Variants in MYOCD observed in about 807,000 individuals in gnomAD.
MYOCD encodes the protein myocardin.
Under a neutral mutation model 96.1 loss-of-function variants are expected in MYOCD, and 32 were observed. That is an observed-to-expected ratio of 0.33 (90% confidence interval 0.25 to 0.45). The LOEUF is 0.45. Among genes scored for constraint, MYOCD ranks in the 20% least tolerant of loss-of-function variants. The pLI is 1.00. For missense variants in MYOCD, 1,133 were observed against 1,200.6 expected (o/e 0.94, Z 0.83); for synonymous variants, 469 against 469.0 (o/e 1.00, Z 0.00).
At chr17:12,708,612 C>T (rs980599008) in intron 2 of MYOCD, among the ~76,000 whole-genome samples, 3 of 152,058 alleles carry the variant, frequency 2.0e-5, no homozygotes, top group African/African-American at 7.2e-5. Flanking sequence ...AGGATGGTCT[C>T]GAACTCCTGA....
chr17:12,756,277 T>A lies in MYOCD; in HGVS notation c.2059-137T>A. On this transcript the variant is annotated intron_variant, in intron 10 of 13. Coordinates refer to ENST00000425538, the MANE Select transcript of MYOCD (RefSeq NM_001146312.3). ...TCTAAAAAGCCAGATTTTAGGCAAG[T>A]TCATCTGGTAATGGAATTTAGGAAG... The A allele has an allele frequency of 3.0e-6, 3 of 1,016,010 alleles. No homozygotes were observed. In the South Asian group the frequency reaches 4.3e-5, roughly 15 times the overall value. 62.9% of individuals were successfully genotyped at this position (1,016,010 alleles called of 1,614,324 possible).
Position 12,756,522 on chromosome 17 carries a change from A to T in MYOCD, c.2167A>T (p.Asn723Tyr). The change falls in exon 11 of 14, where the codon AAC (asparagine) becomes TAC (tyrosine). Residue 723 changes from asparagine (N) to tyrosine (Y), a missense_variant. Transcript: ENST00000425538. ...AGACAGCAGTCATGGTGCCGGGGGA[A>T]ACCCTTGTCCCAAAAGCCCATGTGT... Reference protein sequence around the residue: ...QADSSHGAGGNPCPKSPCVQQ... With the variant: ...QADSSHGAGGYPCPKSPCVQQ... 6.4e-7 allele frequency: 1 copy of T among 1,551,666 alleles called. No individual in the cohort carries two copies.
chr17:12,698,899 C>T lies in MYOCD; in HGVS notation c.56-6229C>T, dbSNP rs200070191. Among the ~76,000 whole-genome samples the T allele has an allele frequency of 7.4e-4, 112 of 151,202 alleles. 1 individual carries two copies. The South Asian group carries it at 0.013, about 17-fold the overall frequency. ...TTGGGACTACAGACGCCCGCCACCA[C>T]GCCCGGCTAATTTTTTGTATTTTTA... On this transcript the variant is annotated intron_variant, in intron 1 of 13. Coordinates refer to ENST00000425538, the MANE Select transcript of MYOCD (RefSeq NM_001146312.3).
intron 12 of MYOCD, 138 bp downstream of exon 12, chr17:12,758,351 T>C: frequency 8.7e-6 from 11 of 1,263,440 alleles, no homozygotes; most frequent in Admixed American, 2.2e-5. Flanking sequence ...ATAAGCAAAT[T>C]ATCTAGACAA....
chr17:12,733,107 G>A (rs937464287), intron 5 of MYOCD, among the ~76,000 whole-genome samples: 3 of 152,022 alleles, frequency 2.0e-5, no homozygotes, highest in South Asian at 2.1e-4. Flanking sequence ...TCAGGAGATC[G>A]AAACCATCCT....
At chr17:12,719,188 A>AAAAAAAAAAAAAAAAAAAG in intron 4 of MYOCD, among the ~76,000 whole-genome samples, 1 of 149,030 alleles carries the variant, frequency 6.7e-6, no homozygotes, top group Non-Finnish European at 1.5e-5. Flanking sequence ...AAAAAAAAAA[A>AAAAAAAAAAAAAAAAAAAG]AAAAAAAAAA....
rs1444002200 is a variant in MYOCD at position 12,755,773 on chromosome 17, G to A, written c.2059-641G>A. 7.2e-5 allele frequency among the ~76,000 whole-genome samples: 11 copies of A among 152,308 alleles called. No homozygotes were observed. The East Asian group carries it at 1.9e-3, about 27-fold the overall frequency. ...TGTAGTCCTAGCTACTAGGGATGCT[G>A]AGGTAAGGGAATAGCCTGAACCTGG... On this transcript the variant is annotated intron_variant, in intron 10 of 13. Transcript: ENST00000425538.
intron 4 of MYOCD, among the ~76,000 whole-genome samples, chr17:12,719,634 C>A (rs1358315243): frequency 6.7e-6 from 1 of 149,592 alleles, no homozygotes; most frequent in Non-Finnish European, 1.5e-5. Flanking sequence ...GGGCGGATCA[C>A]CTGAGGTCAG....
intron 1 of MYOCD, among the ~76,000 whole-genome samples, chr17:12,686,839 C>G (rs1373099162): frequency 6.6e-6 from 1 of 152,210 alleles, no homozygotes; most frequent in Non-Finnish European, 1.5e-5. Context: ...GGAGCTGGCT[C>G]TCTCCTGGAT....
intron 1 of MYOCD, among the ~76,000 whole-genome samples, chr17:12,677,358 C>T (rs144389623): frequency 1.7e-3 from 264 of 152,134 alleles, no homozygotes; most frequent in Non-Finnish European, 3.0e-3. Context: ...CCATGACACG[C>T]GTTTACCTGG....
rs2033312477 is a variant in MYOCD at position 12,765,397 on chromosome 17, T to TA, written c.*1756dup. ...GGGATTTTAGAAGCTCTCTTTTTGA[T>TA]AAACCAAAGATTTAGAAGTCATTCC... is the stretch of plus-strand genomic sequence containing the variant. On this transcript the variant is annotated 3_prime_UTR_variant, in exon 14 of 14. Transcript: ENST00000425538. 1 of 152,164 alleles carries TA rather than the reference T, an allele frequency of 6.6e-6. No individual in the cohort carries two copies. The highest frequency in any genetic ancestry group is 2.4e-5 in the African/African-American group (1 of 41,436). The allele number at this position is 152,164 out of a possible 1,614,324, so 9.4% of individuals were successfully genotyped here. A position where few individuals can be genotyped will look rare whatever the true frequency, so the allele number is the denominator to read the frequency against.
At chr17:12,691,268 A>G (rs2030433145) in intron 1 of MYOCD, among the ~76,000 whole-genome samples, 1 of 152,222 alleles carries the variant, frequency 6.6e-6, no homozygotes, top group Non-Finnish European at 1.5e-5. Flanking sequence ...CATTTCAGCC[A>G]AGGAGACACA....
intron 9 of MYOCD, among the ~76,000 whole-genome samples, chr17:12,747,606 A>T (rs1210593821): frequency 2.0e-5 from 3 of 152,118 alleles, no homozygotes; most frequent in African/African-American, 7.2e-5. Flanking sequence ...AAATGGAAAG[A>T]GTGAGAAGGA....
At position 12,765,349 on chromosome 17, in the gene MYOCD, T is replaced by C. The variant is rs1245517150; in HGVS notation, c.*1705T>C. The C allele has an allele frequency of 6.6e-6, 1 of 152,010 alleles. No homozygotes were observed. The highest frequency in any genetic ancestry group is 1.5e-5 in the Non-Finnish European group (1 of 68,006). 9.4% of individuals were successfully genotyped at this position (152,010 alleles called of 1,614,324 possible). On this transcript the variant is annotated 3_prime_UTR_variant, in exon 14 of 14. Transcript: ENST00000425538. ...AAAAAAGTTGTTCACTGTGCACTTATAGAAAAAATAATCAAAAATGTTGGG... is the reference window on the plus strand; with the variant it reads ...AAAAAAGTTGTTCACTGTGCACTTACAGAAAAAATAATCAAAAATGTTGGG...
chr17:12,754,784 T>C (rs9903742), intron 10 of MYOCD, among the ~76,000 whole-genome samples: 131,637 of 152,306 alleles, frequency 0.86, 57,261 homozygotes, highest in Non-Finnish European at 0.92. Context: ...GAAGAAAACT[T>C]ACATTAACTG....
At chr17:12,754,651 G>A (rs16946551) in intron 10 of MYOCD, among the ~76,000 whole-genome samples, 40,316 of 152,128 alleles carry the variant, frequency 0.27, 6,100 homozygotes, top group East Asian at 0.44. Context: ...ACTAGGCAAA[G>A]GTGACTGACA....
intron 5 of MYOCD, among the ~76,000 whole-genome samples, chr17:12,734,471 A>G (rs1383938252): frequency 7.2e-6 from 1 of 139,530 alleles, no homozygotes; most frequent in African/African-American, 2.7e-5. Context: ...CACCTACTGC[A>G]TGCCTACCTG....
At chr17:12,696,272 C>T (rs113787222) in intron 1 of MYOCD, among the ~76,000 whole-genome samples, 15,083 of 152,020 alleles carry the variant, frequency 0.099, 872 homozygotes, top group Non-Finnish European at 0.13. Context: ...GCCACTGTGC[C>T]CGGCCCCATT....
intron 1 of MYOCD, among the ~76,000 whole-genome samples, chr17:12,673,038 A>G (rs1242710342): frequency 6.6e-6 from 1 of 152,148 alleles, no homozygotes; most frequent in Non-Finnish European, 1.5e-5. Context: ...ACTCCAGGCA[A>G]TATCCTCATT....
Sources: gnomAD v4.1 joint callset for allele counts (sites outside exome capture counted in the v4.1 genomes callset) on GRCh38, gnomAD v4.1.1 for gene constraint, MANE v1.5 for transcripts, NCBI Gene and HGNC (gene_info 2026-07-23, HGNC 2026-07-21) for gene names.